NAV2: variants seen among roughly 807,000 people sequenced by gnomAD.
NAV2 encodes the protein neuron navigator 2.
NAV2 carries 54 observed loss-of-function variants against 223.2 expected under a neutral mutation model. That is an observed-to-expected ratio of 0.24 (90% CI 0.19 to 0.30). NAV2 has a LOEUF of 0.30. NAV2 is among the 10% of genes least tolerant of loss of function. The pLI, the probability that NAV2 is intolerant of heterozygous loss-of-function variation, is 1.00. For missense variants in NAV2, 2,806 were observed against 3,147.5 expected, an observed-to-expected ratio of 0.89 and a Z score of 2.60; for synonymous variants, 1,279 against 1,239.3, an observed-to-expected ratio of 1.03 and a Z score of -0.67.
chr11:20,095,581 GGC>G, intron 29 of NAV2, 89 bp from the exon 30 acceptor site: 1 of 831,562 alleles, frequency 1.2e-6, no homozygotes, highest in Non-Finnish European at 2.1e-6. Context: ...TCAAACCATT[GGC>G]GGAGTTCTAA....
intron 1 of NAV2, among the ~76,000 whole-genome samples, chr11:19,707,709 A>G (rs2049710188): frequency 6.6e-6 from 1 of 152,208 alleles, no homozygotes; most frequent in Non-Finnish European, 1.5e-5. Context: ...GTTATCAAGT[A>G]TTTATCATCA....
At chr11:19,680,053 G>A (rs546425511) in intron 1 of NAV2, among the ~76,000 whole-genome samples, 1 of 152,184 alleles carries the variant, frequency 6.6e-6, no homozygotes, top group Non-Finnish European at 1.5e-5. Context: ...GCTGGAGGGT[G>A]GGGTTCTTGA....
intron 3 of NAV2, among the ~76,000 whole-genome samples, chr11:19,859,137 C>CTCTT (rs1467179579): frequency 2.8e-5 from 3 of 107,106 alleles, no homozygotes; most frequent in African/African-American, 1.0e-4. Flanking sequence ...ATCATATTCT[C>CTCTT]TTTTTTTTTT....
At chr11:19,552,895 G>A (rs1019380622) in intron 1 of NAV2, among the ~76,000 whole-genome samples, 3 of 151,726 alleles carry the variant, frequency 2.0e-5, no homozygotes, top group Admixed American at 2.0e-4. Context: ...GAGTGTGTGT[G>A]GGGGGGAAGG....
intron 4 of NAV2, among the ~76,000 whole-genome samples, chr11:19,871,522 C>T (rs975525993): frequency 3.3e-5 from 5 of 152,136 alleles, no homozygotes; most frequent in Admixed American, 2.6e-4. Flanking sequence ...CTGGTAGTCT[C>T]AGCAGGCCCT....
chr11:20,102,167 C>T (rs1173462056), intron 32 of NAV2, among the ~76,000 whole-genome samples: 3 of 152,052 alleles, frequency 2.0e-5, no homozygotes, highest in Admixed American at 6.5e-5. Flanking sequence ...GTGAAGGCTC[C>T]GCAGGCATGG....
At chr11:19,845,972 G>A (rs915317164) in intron 3 of NAV2, among the ~76,000 whole-genome samples, 6 of 152,164 alleles carry the variant, frequency 3.9e-5, no homozygotes, top group Admixed American at 1.3e-4. Context: ...CAGATAAGTG[G>A]GCAAGAGACC....
At chr11:20,030,413 A>G (rs1161929247) in intron 11 of NAV2, among the ~76,000 whole-genome samples, 4 of 152,192 alleles carry the variant, frequency 2.6e-5, no homozygotes, top group African/African-American at 7.2e-5. Context: ...TATTTAATCG[A>G]AGTTTTCCGT....
intron 1 of NAV2, among the ~76,000 whole-genome samples, chr11:19,686,100 C>G (rs7130665): frequency 3.3e-5 from 5 of 152,164 alleles, no homozygotes; most frequent in African/African-American, 1.2e-4. Context: ...ATGTCCTAAC[C>G]CACCCCAGGG....
At chr11:20,094,139 T>C (rs2153688391) in intron 29 of NAV2, among the ~76,000 whole-genome samples, 1 of 152,052 alleles carries the variant, frequency 6.6e-6, no homozygotes, top group African/African-American at 2.4e-5. Flanking sequence ...CCATGAAATA[T>C]ATAGTAGATA....
chr11:19,562,438 C>A (rs2045132751), intron 1 of NAV2, among the ~76,000 whole-genome samples: 1 of 152,146 alleles, frequency 6.6e-6, no homozygotes. Flanking sequence ...AAGATACTTA[C>A]AATAAACTCT....
intron 1 of NAV2, among the ~76,000 whole-genome samples, chr11:19,516,986 G>A (rs1041047961): frequency 4.0e-5 from 6 of 151,644 alleles, no homozygotes; most frequent in Admixed American, 1.3e-4. Context: ...GAGGTGGGAG[G>A]AGCAACTGAA....
intron 1 of NAV2, among the ~76,000 whole-genome samples, chr11:19,798,252 G>A (rs1161355205): frequency 6.6e-6 from 1 of 152,178 alleles, no homozygotes; most frequent in Admixed American, 6.5e-5. Context: ...AGACAGAAGT[G>A]CACTCCCTTC....
intron 1 of NAV2, among the ~76,000 whole-genome samples, chr11:19,406,120 C>G (rs549185393): frequency 4.6e-5 from 7 of 152,306 alleles, no homozygotes; most frequent in Non-Finnish European, 8.8e-5. Context: ...CTTCTGTGGT[C>G]AGCCCAGGCT....
At chr11:19,806,224 G>C (rs1387221915) in intron 1 of NAV2, among the ~76,000 whole-genome samples, 2 of 152,204 alleles carry the variant, frequency 1.3e-5, no homozygotes, top group Non-Finnish European at 2.9e-5. Flanking sequence ...GTATTTTATA[G>C]ATGGTTGAAT....
chr11:19,989,947 CAAATG>C (rs1450105784), intron 11 of NAV2, among the ~76,000 whole-genome samples: 3 of 152,132 alleles, frequency 2.0e-5, no homozygotes, highest in Non-Finnish European at 4.4e-5. Flanking sequence ...ATCGTCTCTT[CAAATG>C]AGCCCTTAGC....
intron 1 of NAV2, among the ~76,000 whole-genome samples, chr11:19,563,507 C>T (rs542304086): frequency 1.3e-5 from 2 of 152,208 alleles, no homozygotes; most frequent in East Asian, 3.9e-4. Flanking sequence ...GCTACTTGAG[C>T]CCTTGGATCG....
At chr11:19,780,808 G>A (rs1300705573) in intron 1 of NAV2, among the ~76,000 whole-genome samples, 2 of 152,194 alleles carry the variant, frequency 1.3e-5, no homozygotes, top group Admixed American at 1.3e-4. Flanking sequence ...CACACACAGA[G>A]AAAAGACTCA....
chr11:19,978,140 T>C (rs74773593), intron 10 of NAV2, among the ~76,000 whole-genome samples: 7,197 of 151,968 alleles, frequency 0.047, 554 homozygotes, highest in African/African-American at 0.16. Flanking sequence ...AGTTTTTTTT[T>C]CAAAAGGATG....
Sources: allele counts gnomAD v4.1 joint callset (sites outside exome capture counted in the v4.1 genomes callset), GRCh38; gene constraint gnomAD v4.1.1; transcripts MANE v1.5; gene names NCBI Gene and HGNC (gene_info 2026-07-23, HGNC 2026-07-21).